The following CNGB3 variants were observed in gnomAD, a reference collection of about 807,000 sequenced individuals.
The protein encoded by CNGB3 is cyclic nucleotide gated channel subunit beta 3.
Under a neutral mutation model 92.8 loss-of-function variants are expected in CNGB3, and 86 were observed. The ratio of observed to expected loss-of-function variants is 0.93; its 90% CI spans 0.78 to 1.11. The LOEUF is 1.11. Ranked by LOEUF, CNGB3 falls within the 50% of genes least tolerant of loss-of-function variation. The pLI, the probability that CNGB3 is intolerant of heterozygous loss-of-function variation, is 0.00. For synonymous variants in CNGB3, 333 were observed against 332.7 expected (o/e 1.00, Z -0.01); for missense variants, 1,026 against 956.8 (o/e 1.07, Z -0.95).
At chr8:86,627,564 C>G (rs1330624706) in intron 12 of CNGB3, among the ~76,000 whole-genome samples, 1 of 152,156 alleles carries the variant, frequency 6.6e-6, no homozygotes, top group African/African-American at 2.4e-5. Context: ...GCATTTTTGG[C>G]TTCTTAGTGG....
At chr8:86,659,289 T>G (rs1823583793) in intron 6 of CNGB3, 1 of 982,400 alleles carries the variant, frequency 1.0e-6, no homozygotes, top group African/African-American at 1.6e-5. Flanking sequence ...CTCCATAACC[T>G]GCCCCAGGTG....
chr8:86,669,238 TAAA>T (rs200141311), intron 4 of CNGB3, among the ~76,000 whole-genome samples: 5 of 145,808 alleles, frequency 3.4e-5, no homozygotes, highest in Admixed American at 3.3e-4. Context: ...CTGTCTCAAA[TAAA>T]AATGTAGCGT....
At chr8:86,641,377 A>G (rs1235986407) in intron 10 of CNGB3, among the ~76,000 whole-genome samples, 3 of 151,996 alleles carry the variant, frequency 2.0e-5, no homozygotes, top group Non-Finnish European at 4.4e-5. Context: ...TTTATTTCTT[A>G]CTTTCTTAAT....
At chr8:86,658,038 G>A (rs1823549710) in intron 6 of CNGB3, 3 of 545,040 alleles carry the variant, frequency 5.5e-6, no homozygotes, top group South Asian at 3.2e-5. Flanking sequence ...TCTCCTGCAT[G>A]AGCTCCATAA....
intron 2 of CNGB3, 36 bp downstream of exon 2, chr8:86,739,619 A>AG (rs1554619282): frequency 7.2e-7 from 1 of 1,386,292 alleles, no homozygotes; most frequent in Admixed American, 1.9e-5. Flanking sequence ...TTCACTTTTT[A>AG]GTTTTTTTTT....
At chr8:86,655,254 G>C (rs1280831992) in intron 6 of CNGB3, among the ~76,000 whole-genome samples, 2 of 152,106 alleles carry the variant, frequency 1.3e-5, no homozygotes, top group Non-Finnish European at 2.9e-5. Flanking sequence ...ATTCTACAGT[G>C]GCCGCCAGAT....
chr8:86,655,396 C>T (rs772413356), intron 6 of CNGB3, among the ~76,000 whole-genome samples: 8 of 152,192 alleles, frequency 5.3e-5, no homozygotes, highest in South Asian at 4.1e-4. Flanking sequence ...ACTCACTTCC[C>T]GGAGCATCCC....
intron 3 of CNGB3, among the ~76,000 whole-genome samples, chr8:86,713,667 C>T (rs544648646): frequency 1.3e-5 from 2 of 152,214 alleles, no homozygotes; most frequent in South Asian, 4.1e-4. Flanking sequence ...CATCTCTGAT[C>T]TTACAATATT....
intron 15 of CNGB3, among the ~76,000 whole-genome samples, chr8:86,583,743 A>C (rs1257359131): frequency 2.6e-5 from 4 of 151,922 alleles, no homozygotes; most frequent in Non-Finnish European, 5.9e-5. Context: ...AACATGGCAA[A>C]ATCCCATCTC....
At chr8:86,643,398 C>A (rs544317380) in intron 10 of CNGB3, among the ~76,000 whole-genome samples, 1 of 151,412 alleles carries the variant, frequency 6.6e-6, no homozygotes, top group South Asian at 2.1e-4. Flanking sequence ...ATGTTTGTAT[C>A]CTTTAATCCA....
chr8:86,719,271 C>T (rs1824921494), intron 3 of CNGB3, among the ~76,000 whole-genome samples: 1 of 151,960 alleles, frequency 6.6e-6, no homozygotes, highest in Non-Finnish European at 1.5e-5. Context: ...GAGGAAAACC[C>T]TAAAGACTCA....
intron 3 of CNGB3, among the ~76,000 whole-genome samples, chr8:86,705,470 A>C (rs1824636232): frequency 6.6e-6 from 1 of 152,122 alleles, no homozygotes; most frequent in South Asian, 2.1e-4. Context: ...GTTACATTAC[A>C]TGGCAAAAGG....
chr8:86,678,391 C>G (rs1376942508), intron 3 of CNGB3, among the ~76,000 whole-genome samples: 2 of 152,202 alleles, frequency 1.3e-5, no homozygotes, highest in African/African-American at 4.8e-5. Flanking sequence ...ACATTCACCT[C>G]TAAATGCTGT....
rs1823847889 is a variant in CNGB3 at position 86,670,966 on chromosome 8, T to A, written c.471A>T (p.Ser157=). The change falls in exon 4 of 18, where the codon TCA becomes TCT. Residue 157 remains serine (S), a synonymous_variant. Transcript: ENST00000320005. ...TACCAGTTTGTGGGCTGGCTTCGGG[T>A]GAGGAGAGATCTCCCTCTACCAACT... ...KKKLVEGDLS[S]PEASPQTAKP... is the part of the protein sequence containing the mutation. 6.2e-7 allele frequency: 1 copy of A among 1,612,372 alleles called. No individual in the cohort carries two copies. Among genetic ancestry groups the A allele is most frequent in the East Asian group, 2.2e-5 (1 of 44,880 alleles).
chr8:86,712,283 CAA>C (rs1824764589), intron 3 of CNGB3, among the ~76,000 whole-genome samples: 1 of 152,008 alleles, frequency 6.6e-6, no homozygotes, highest in Admixed American at 6.6e-5. Context: ...TTTTGTAATG[CAA>C]AGTCTTTTTT....
intron 1 of CNGB3, among the ~76,000 whole-genome samples, chr8:86,742,973 T>A (rs1195402563): frequency 2.0e-5 from 3 of 152,204 alleles, no homozygotes; most frequent in Non-Finnish European, 4.4e-5. Context: ...CATGATAGGA[T>A]GTTGAGCAGC....
chr8:86,672,239 C>T (rs1823875200), intron 3 of CNGB3, among the ~76,000 whole-genome samples: 1 of 152,128 alleles, frequency 6.6e-6, no homozygotes, highest in African/African-American at 2.4e-5. Context: ...GCTAGGACTA[C>T]AGGTGCATGC....
At chr8:86,603,990 T>A in intron 15 of CNGB3, 103 bp downstream of exon 15, 1 of 800,722 alleles carries the variant, frequency 1.2e-6, no homozygotes, top group Non-Finnish European at 2.2e-6. Flanking sequence ...CTCAGCACAA[T>A]CAAACCTTTG....
chr8:86,680,731 T>C (rs1044439915), intron 3 of CNGB3, among the ~76,000 whole-genome samples: 1 of 152,018 alleles, frequency 6.6e-6, no homozygotes, highest in Non-Finnish European at 1.5e-5. Flanking sequence ...CCTCATAGTG[T>C]AGAAAGAATA....
Sources: gnomAD v4.1 joint callset for allele counts (sites outside exome capture counted in the v4.1 genomes callset) on GRCh38, gnomAD v4.1.1 for gene constraint, MANE v1.5 for transcripts, NCBI Gene and HGNC (gene_info 2026-07-23, HGNC 2026-07-21) for gene names.